Variants in LYPD6 observed in about 807,000 individuals in gnomAD.
The protein encoded by LYPD6 is ly6/PLAUR domain-containing protein 6.
A neutral mutation model predicts 22.7 loss-of-function variants in LYPD6; 15 were observed. That is an observed-to-expected ratio of 0.66 (90% confidence interval 0.44 to 1.02). The LOEUF (loss-of-function observed/expected upper bound fraction) is 1.02, where lower values mean the gene tolerates loss of function less well. LYPD6 is among the 50% of genes least tolerant of loss of function. LYPD6 has a pLI of 0.00. For synonymous variants in LYPD6, 72 were observed against 77.5 expected, an observed-to-expected ratio of 0.93 and a Z score of 0.37; for missense variants, 189 against 208.4, an observed-to-expected ratio of 0.91 and a Z score of 0.57.
intron 1 of LYPD6, among the ~76,000 whole-genome samples, chr2:149,342,358 G>A (rs1681179542): frequency 6.6e-6 from 1 of 152,116 alleles, no homozygotes; most frequent in African/African-American, 2.4e-5. Flanking sequence ...AAAAGTTTAA[G>A]GAAGAAAATA....
chr2:149,376,695 C>T (rs1198425169), intron 1 of LYPD6, among the ~76,000 whole-genome samples: 1 of 152,210 alleles, frequency 6.6e-6, no homozygotes, highest in Non-Finnish European at 1.5e-5. Flanking sequence ...CCCACTGTTT[C>T]ACTGTCTTTA....
At chr2:149,440,670 A>G (rs1322308022) in intron 2 of LYPD6, among the ~76,000 whole-genome samples, 1 of 150,000 alleles carries the variant, frequency 6.7e-6, no homozygotes, top group Non-Finnish European at 1.5e-5. Flanking sequence ...CTACTTGGCC[A>G]GAACTTCGTT....
intron 1 of LYPD6, among the ~76,000 whole-genome samples, chr2:149,380,918 A>G (rs1290123446): frequency 6.6e-6 from 1 of 152,164 alleles, no homozygotes; most frequent in African/African-American, 2.4e-5. Context: ...AGAGAAGGAA[A>G]GCCAACCCAG....
chr2:149,390,210 C>A (rs1418752088), intron 1 of LYPD6, among the ~76,000 whole-genome samples: 1 of 152,216 alleles, frequency 6.6e-6, no homozygotes, highest in African/African-American at 2.4e-5. Context: ...TTTAACCATG[C>A]AATGGTTAGT....
chr2:149,450,854 G>A (rs545949806), intron 3 of LYPD6, among the ~76,000 whole-genome samples: 2 of 152,270 alleles, frequency 1.3e-5, no homozygotes, highest in South Asian at 4.1e-4. Flanking sequence ...CCCTCCAGAT[G>A]GTTCTAATAT....
intron 2 of LYPD6, among the ~76,000 whole-genome samples, chr2:149,446,411 A>C (rs1683689159): frequency 6.6e-6 from 1 of 152,232 alleles, no homozygotes; most frequent in Admixed American, 6.5e-5. Flanking sequence ...AAGTGTGCTA[A>C]AATGAATGGT....
chr2:149,416,821 C>T (rs185116154), intron 1 of LYPD6, among the ~76,000 whole-genome samples: 1 of 152,284 alleles, frequency 6.6e-6, no homozygotes, highest in East Asian at 1.9e-4. Context: ...AAGATCGCCT[C>T]CTAGCTGGTG....
At chr2:149,404,384 T>G (rs1682642025) in intron 1 of LYPD6, among the ~76,000 whole-genome samples, 1 of 152,226 alleles carries the variant, frequency 6.6e-6, no homozygotes, top group East Asian at 1.9e-4. Context: ...GTTCTTCCAT[T>G]TGTTTGTATC....
chr2:149,371,727 T>A (rs1681814552), intron 1 of LYPD6, among the ~76,000 whole-genome samples: 1 of 152,186 alleles, frequency 6.6e-6, no homozygotes, highest in African/African-American at 2.4e-5. Context: ...CTGATGCACT[T>A]AACTAGTGTT....
At chr2:149,333,524 T>C (rs1680976862) in intron 1 of LYPD6, among the ~76,000 whole-genome samples, 1 of 152,238 alleles carries the variant, frequency 6.6e-6, no homozygotes, top group Non-Finnish European at 1.5e-5. Context: ...ATAGAACTTC[T>C]CTGTGCTTTA....
At chr2:149,372,511 G>A (rs1407834163) in intron 1 of LYPD6, among the ~76,000 whole-genome samples, 1 of 152,164 alleles carries the variant, frequency 6.6e-6, no homozygotes, top group Non-Finnish European at 1.5e-5. Context: ...GGGGTGTTGG[G>A]TGCATTTCAT....
At chr2:149,395,378 A>T (rs1682407912) in intron 1 of LYPD6, among the ~76,000 whole-genome samples, 1 of 152,190 alleles carries the variant, frequency 6.6e-6, no homozygotes, top group South Asian at 2.1e-4. Flanking sequence ...AATGTATTAT[A>T]TCCACATTAA....
intron 1 of LYPD6, among the ~76,000 whole-genome samples, chr2:149,359,587 G>A (rs1304584639): frequency 3.9e-5 from 6 of 152,166 alleles, no homozygotes; most frequent in African/African-American, 1.4e-4. Context: ...GACATCACTT[G>A]AGTGACTTGA....
rs1381448438 is a variant in LYPD6, at chr2:149,472,158, CATT to C, written c.*1312_*1314del. On this transcript the variant is annotated 3_prime_UTR_variant, in exon 5 of 5. Transcript: ENST00000334166. ...AAACTAAAATATATTCTAAAAAATT[CATT>C]ATTCTGAACAAAGTGATCAAATTAG... 1 of 152,086 alleles carries C rather than the reference CATT, an allele frequency of 6.6e-6. No homozygotes were observed. Among genetic ancestry groups the C allele is most frequent in the Non-Finnish European group, 1.5e-5 (1 of 68,012 alleles). The allele number at this position is 152,086 out of a possible 1,614,324, so 9.4% of individuals were successfully genotyped here.
At chr2:149,348,931 AG>A (rs896709493) in intron 1 of LYPD6, among the ~76,000 whole-genome samples, 13 of 152,058 alleles carry the variant, frequency 8.5e-5, no homozygotes, top group African/African-American at 3.1e-4. Flanking sequence ...AGTGGAGGAG[AG>A]GATCTCAGAA....
At chr2:149,359,110 A>G (rs1042974890) in intron 1 of LYPD6, among the ~76,000 whole-genome samples, 7 of 152,228 alleles carry the variant, frequency 4.6e-5, no homozygotes, top group African/African-American at 1.7e-4. Flanking sequence ...GCACAAACAT[A>G]TTTTAAAGGA....
At chr2:149,484,614 G>C in the LYPD6 span, among the ~76,000 whole-genome samples, 11 of 152,230 alleles carry the variant, frequency 7.2e-5, no homozygotes, top group African/African-American at 2.6e-4. Flanking sequence ...GCTTTCCTTA[G>C]AAATTAATGT....
chr2:149,461,653 A>T (rs1457576756), intron 3 of LYPD6, among the ~76,000 whole-genome samples: 1 of 152,040 alleles, frequency 6.6e-6, no homozygotes, highest in Non-Finnish European at 1.5e-5. Context: ...TAAAGTTCTT[A>T]ACAAAATATT....
chr2:149,440,688 TCCA>T (rs1296924746), intron 2 of LYPD6, among the ~76,000 whole-genome samples: 3 of 145,734 alleles, frequency 2.1e-5, no homozygotes, highest in Non-Finnish European at 4.5e-5. Flanking sequence ...GTTTATTCTG[TCCA>T]CCTTTTTTTT....
Sources: gnomAD v4.1 joint callset for allele counts (sites outside exome capture counted in the v4.1 genomes callset) on GRCh38, gnomAD v4.1.1 for gene constraint, MANE v1.5 for transcripts, NCBI Gene and HGNC (gene_info 2026-07-23, HGNC 2026-07-21) for gene names.